TRRAP: variants seen among roughly 807,000 people sequenced by gnomAD.
TRRAP encodes the protein transformation/transcription domain-associated protein.
In TRRAP, 41 loss-of-function variants were observed where a neutral mutation model predicts 438.8. The observed-to-expected ratio is 0.09, with a 90% confidence interval of 0.07 to 0.12. The LOEUF (loss-of-function observed/expected upper bound fraction) is 0.12. Among genes scored for constraint, TRRAP ranks in the 10% least tolerant of loss-of-function variants. The probability of loss-of-function intolerance (pLI) is 1.00; values close to 1 mark genes in which losing one functional copy is unlikely to be tolerated. For synonymous variants in TRRAP, 1,994 were observed against 1,962.9 expected (o/e 1.02, Z -0.42); for missense variants, 3,122 against 5,055.1 (o/e 0.62, Z 11.60).
chr7:98,892,654 A>C, intron 5 of TRRAP, 126 bp downstream of exon 5: 2 of 768,990 alleles, frequency 2.6e-6, no homozygotes, highest in Non-Finnish European at 4.0e-6. Flanking sequence ...CACATGAGTA[A>C]AAATTTTTCT....
chr7:98,882,219 C>T (rs1220935024), intron 3 of TRRAP, among the ~76,000 whole-genome samples, 195 bp downstream of exon 3: 1 of 152,198 alleles, frequency 6.6e-6, no homozygotes, highest in African/African-American at 2.4e-5. Context: ...TAGCGAACCC[C>T]ATACCATGTT....
chr7:98,993,038 T>G (rs1489251378), intron 65 of TRRAP, among the ~76,000 whole-genome samples: 1 of 152,244 alleles, frequency 6.6e-6, no homozygotes, highest in Non-Finnish European at 1.5e-5. Flanking sequence ...AATGACCGTA[T>G]TTTTCAAAAG....
intron 44 of TRRAP, among the ~76,000 whole-genome samples, chr7:98,958,782 G>GTGAGA (rs1778178928): frequency 6.6e-6 from 1 of 152,156 alleles, no homozygotes; most frequent in Admixed American, 6.5e-5. Context: ...TCAGTAAAGG[G>GTGAGA]TGAGATGATC....
In TRRAP at chr7:98,948,552, C is replaced by T; in HGVS notation, c.4669-14C>T. 1 of 1,614,126 alleles carries T rather than the reference C, an allele frequency of 6.2e-7. No homozygotes were observed. Among genetic ancestry groups the T allele is most frequent in the African/African-American group, 1.3e-5 (1 of 75,020 alleles). On this transcript the variant is annotated splice_polypyrimidine_tract_variant and intron_variant, in intron 34 of 72. Transcript: ENST00000456197. The surrounding 1 kb of genome is among the most constrained non-coding windows in gnomAD (Gnocchi z 4.9). ...AGGAAGTTGTGAGATGCAGCATTCC[C>T]ACATGTTTTGCAGGCGGGGAGTCCA...
intron 67 of TRRAP, among the ~76,000 whole-genome samples, chr7:98,997,963 A>G (rs922944063): frequency 2.4e-4 from 36 of 152,220 alleles, no homozygotes; most frequent in African/African-American, 8.7e-4. Flanking sequence ...TCTGAAAAGC[A>G]GTAGATCAAA....
At position 98,948,921 on chromosome 7, in the gene TRRAP, T is replaced by C. The variant is rs1791204713; in HGVS notation, c.4788+236T>C. Among the ~76,000 whole-genome samples the C allele has an allele frequency of 6.6e-6, 1 of 152,196 alleles. No homozygotes were observed. The highest frequency in any genetic ancestry group is 6.5e-5 in the Admixed American group (1 of 15,284). On this transcript the variant is annotated intron_variant, in intron 35 of 72. Coordinates refer to ENST00000456197, the MANE Select transcript of TRRAP (RefSeq NM_001375524.1). This position sits in a 1 kb window ranked among gnomAD's most constrained non-coding sequence, Gnocchi z 4.9. Reference sequence around the variant, plus strand: ...GCAAATAAATGTTCTGCCAGGATTATAAAATCATAAAGTATGATTATTATT... The same window carrying C: ...GCAAATAAATGTTCTGCCAGGATTACAAAATCATAAAGTATGATTATTATT...
chr7:98,989,055 C>A, intron 63 of TRRAP, 89 bp downstream of exon 63: 1 of 1,365,114 alleles, frequency 7.3e-7, no homozygotes, highest in Non-Finnish European at 1.0e-6. Flanking sequence ...TCATCCGTGC[C>A]GGGTGTGAGG....
intron 12 of TRRAP, 117 bp downstream of exon 12, chr7:98,903,634 T>G: frequency 7.0e-7 from 1 of 1,428,322 alleles, no homozygotes; most frequent in Non-Finnish European, 9.5e-7. Context: ...GCTTCCTTCA[T>G]TGCTGTCTTG....
chr7:98,932,941 T>C (rs2116523107), intron 26 of TRRAP, among the ~76,000 whole-genome samples: 1 of 152,232 alleles, frequency 6.6e-6, no homozygotes, highest in Non-Finnish European at 1.5e-5. Context: ...AGGGTAGCAT[T>C]CCTGAGGCTA....
Position 98,998,338 on chromosome 7 carries a change from AT to A in TRRAP, c.10309+3497del, listed in dbSNP as rs560358036. Among the ~76,000 whole-genome samples, 42 of 152,180 alleles carry A rather than the reference AT, an allele frequency of 2.8e-4. 1 individual carries two copies. The East Asian group carries it at 5.4e-3, about 20-fold the overall frequency. ...TCATTTTCTGAACCTTTGGCTTAGAATTTTTTTCTCAACTTACATTAAAAAA... is the reference window on the plus strand; with the variant it reads ...TCATTTTCTGAACCTTTGGCTTAGAATTTTTTCTCAACTTACATTAAAAAA... On this transcript the variant is annotated intron_variant, in intron 67 of 72. Transcript: ENST00000456197.
In TRRAP at chr7:98,984,624, G is replaced by C. The variant is rs565884568; in HGVS notation, c.9288+266G>C. Among the ~76,000 whole-genome samples, 92 of 152,220 alleles carry C rather than the reference G, an allele frequency of 6.0e-4. 1 individual carries two copies. Among genetic ancestry groups the C allele is most frequent in the African/African-American group, 2.1e-3 (89 of 41,524 alleles). ...GGAAAGAAAAAAATTACACACTACA[G>C]AATTATGAGGATCTAAGATAGATTT... On this transcript the variant is annotated intron_variant, in intron 61 of 72. Transcript: ENST00000456197.
At chr7:98,920,252 C>T (rs1789720107) in intron 20 of TRRAP, among the ~76,000 whole-genome samples, 2 of 152,080 alleles carry the variant, frequency 1.3e-5, no homozygotes, top group African/African-American at 4.8e-5. Context: ...GGGTGGATCA[C>T]TGGAGGTGAG....
intron 52 of TRRAP, among the ~76,000 whole-genome samples, chr7:98,971,489 A>C (rs995470028): frequency 6.6e-6 from 1 of 152,252 alleles, no homozygotes; most frequent in African/African-American, 2.4e-5. Context: ...ATGATAGACT[A>C]TGATTCCATT....
chr7:98,979,174 G>A (rs1792798585), intron 58 of TRRAP, among the ~76,000 whole-genome samples: 1 of 152,228 alleles, frequency 6.6e-6, no homozygotes, highest in African/African-American at 2.4e-5. Flanking sequence ...TTTGGGACCT[G>A]GGAAATGACT....
At chr7:98,973,438 G>T (rs1256084334) in intron 53 of TRRAP, among the ~76,000 whole-genome samples, 3 of 152,220 alleles carry the variant, frequency 2.0e-5, no homozygotes, top group African/African-American at 7.2e-5. Context: ...AGGAGAGGAA[G>T]TTCTAGCAGT....
chr7:98,948,714 G>C lies in TRRAP; in HGVS notation c.4788+29G>C. 1 of 1,613,894 alleles carries C rather than the reference G, an allele frequency of 6.2e-7. No individual in the cohort carries two copies. Among genetic ancestry groups the C allele is most frequent in the South Asian group, 1.1e-5 (1 of 91,066 alleles). On this transcript the variant is annotated intron_variant, in intron 35 of 72. Coordinates refer to ENST00000456197, the MANE Select transcript of TRRAP (RefSeq NM_001375524.1). The surrounding 1 kb of genome is among the most constrained non-coding windows in gnomAD (Gnocchi z 4.9). ...AGAGCTGTGAGCAGCTGGAGTCAGG[G>C]GTCCCTTCAAATGCTTGTGAGCTGT...
intron 18 of TRRAP, 66 bp downstream of exon 18, chr7:98,912,279 C>T (rs1363356202): frequency 6.5e-7 from 1 of 1,537,604 alleles, no homozygotes; most frequent in Admixed American, 1.9e-5. Flanking sequence ...GAGACAGGGC[C>T]TCACGGTGGT....
In TRRAP at chr7:98,967,096, A is replaced by C; in HGVS notation, c.7232A>C (p.Glu2411Ala). The C allele has an allele frequency of 6.2e-7, 1 of 1,614,102 alleles. No homozygotes were observed. Among genetic ancestry groups the C allele is most frequent in the Admixed American group, 1.7e-5 (1 of 60,012 alleles). Residue 2411 changes from glutamate (E) to alanine (A), a missense_variant, in exon 50 of 73, where the codon GAA (glutamate) becomes GCA (alanine). Glu to Ala is a moderately radical substitution (Grantham distance 107, BLOSUM62 -1). This residue lies in a region of TRRAP where 992 missense variants were observed against 1,281.2 expected (regional missense o/e 0.77). Transcript: ENST00000456197. ...CTTGTGAAGATGATGACTTACATAG[A>C]AAAACGCTTTCCGGAAGACCTTGAA... is the stretch of plus-strand genomic sequence containing the variant. Reference protein sequence around the residue: ...ILLVKMMTYIEKRFPEDLELN... With the variant: ...ILLVKMMTYIAKRFPEDLELN...
chr7:99,002,654 A>G (rs1308442836), intron 67 of TRRAP, among the ~76,000 whole-genome samples: 1 of 152,070 alleles, frequency 6.6e-6, no homozygotes, highest in East Asian at 1.9e-4. Flanking sequence ...GAGTCCTGGC[A>G]CTGTGAGGAA....
Sources: allele counts gnomAD v4.1 joint callset (sites outside exome capture counted in the v4.1 genomes callset), GRCh38; gene constraint gnomAD v4.1.1; regional missense constraint gnomAD v4.1.1; non-coding constraint Gnocchi (gnomAD v3.1); transcripts MANE v1.5; gene names NCBI Gene and HGNC (gene_info 2026-07-23, HGNC 2026-07-21).